ATP6V0A2: variants seen among roughly 807,000 people sequenced by gnomAD.
ATP6V0A2 encodes the protein V-type proton ATPase 116 kDa subunit a 2.
ATP6V0A2 carries 58 observed loss-of-function variants against 104.4 expected under a neutral mutation model. The ratio of observed to expected loss-of-function variants is 0.56; its 90% confidence interval spans 0.45 to 0.69. ATP6V0A2 has a LOEUF of 0.69. ATP6V0A2 is among the 30% of genes least tolerant of loss of function. The pLI is 0.00. For missense variants in ATP6V0A2, 938 were observed against 1,062.9 expected, an observed-to-expected ratio of 0.88 and a Z score of 1.63; for synonymous variants, 376 against 397.9, an observed-to-expected ratio of 0.95 and a Z score of 0.65.
rs751936760 is a variant in ATP6V0A2, at chr12:123,748,748, T to G, written c.1898T>G (p.Phe633Cys). The G allele has an allele frequency of 1.2e-6, 2 of 1,613,884 alleles. No individual in the cohort carries two copies. The highest frequency in any genetic ancestry group is 1.7e-6 in the Non-Finnish European group (2 of 1,180,032). ...ATTGAATTTATTAACATGTTTTTAT[T>G]CCCAGCCAGTAAAACAAGTGGCCTT... ...ILIEFINMFLFPASKTSGLYT... is the reference protein window; with the variant it reads ...ILIEFINMFLCPASKTSGLYT... Residue 633 changes from phenylalanine to cysteine, a missense_variant, in exon 15 of 20, where the codon TTC becomes TGC. Phe to Cys is a radical substitution (Grantham distance 205). Transcript: ENST00000330342.
chr12:123,735,245 A>G (rs1956541038), intron 7 of ATP6V0A2, among the ~76,000 whole-genome samples: 1 of 151,864 alleles, frequency 6.6e-6, no homozygotes, highest in Non-Finnish European at 1.5e-5. Flanking sequence ...GCCCAAGGAC[A>G]TTGTTGAATT....
chr12:123,743,410 T>C (rs1252795023), intron 9 of ATP6V0A2, among the ~76,000 whole-genome samples: 1 of 152,064 alleles, frequency 6.6e-6, no homozygotes, highest in Non-Finnish European at 1.5e-5. Flanking sequence ...TCCCAGCACA[T>C]TGGGAGGCTG....
chr12:123,720,394 A>G (rs1956387497), intron 2 of ATP6V0A2, among the ~76,000 whole-genome samples: 1 of 152,196 alleles, frequency 6.6e-6, no homozygotes, highest in Non-Finnish European at 1.5e-5. Flanking sequence ...CTGTAGCTTA[A>G]ACTGTTTCAA....
intron 7 of ATP6V0A2, 45 bp downstream of exon 7, chr12:123,734,053 G>A: frequency 6.8e-7 from 1 of 1,479,724 alleles, no homozygotes; most frequent in Non-Finnish European, 9.4e-7. Context: ...TTTATATTCA[G>A]TCACCTCTAG....
chr12:123,744,539 A>G lies in ATP6V0A2; in HGVS notation c.1327-58A>G. On this transcript the variant is annotated intron_variant, in intron 11 of 19. Coordinates refer to ENST00000330342, the MANE Select transcript of ATP6V0A2 (RefSeq NM_012463.4). The surrounding 1 kb of genome is among the most constrained non-coding windows in gnomAD (Gnocchi z 5.4). ...TGGTGAGGGTCGTGCCCACACCGAC[A>G]GCTGTCACATGGACACCCTCCAGTA... 6.2e-7 allele frequency: 1 copy of G among 1,606,758 alleles called. No homozygotes were observed. The highest frequency in any genetic ancestry group is 8.5e-7 in the Non-Finnish European group (1 of 1,175,924).
In ATP6V0A2 at chr12:123,760,517, C is replaced by T. The variant is rs144043973; in HGVS notation, c.*2485C>T. ...CAGTTTTTAAAACATACTTCATTCC[C>T]TTGATAGCAGAGATCCAGAGCACAG... is the stretch of plus-strand genomic sequence containing the variant. On this transcript the variant is annotated 3_prime_UTR_variant, in exon 20 of 20. Coordinates refer to ENST00000330342, the MANE Select transcript of ATP6V0A2 (RefSeq NM_012463.4). The T allele has an allele frequency of 2.3e-4, 35 of 152,278 alleles. No individual in the cohort carries two copies. In the East Asian group the frequency reaches 6.7e-3, roughly 29 times the overall value. The allele number at this position is 152,278 out of a possible 1,614,324, so 9.4% of individuals were successfully genotyped here.
chr12:123,744,494 G>A lies in ATP6V0A2; in HGVS notation c.1327-103G>A. Reference sequence around the variant, plus strand: ...CTGACAGGGATGTCTGCGGGGCGAGGCTGTTTTCTGAGAAGTGAGTGGTGA... The same window carrying A: ...CTGACAGGGATGTCTGCGGGGCGAGACTGTTTTCTGAGAAGTGAGTGGTGA... On this transcript the variant is annotated intron_variant, in intron 11 of 19. Coordinates refer to ENST00000330342, the MANE Select transcript of ATP6V0A2 (RefSeq NM_012463.4). This position sits in a 1 kb window ranked among gnomAD's most constrained non-coding sequence, Gnocchi z 5.4. The A allele has an allele frequency of 6.4e-7, 1 of 1,572,936 alleles. No homozygotes were observed. The highest frequency in any genetic ancestry group is 2.2e-5 in the East Asian group (1 of 44,670).
chr12:123,736,780 G>A lies in ATP6V0A2; in HGVS notation c.826-279G>A, dbSNP rs185667616. Among the ~76,000 whole-genome samples the A allele has an allele frequency of 2.6e-4, 39 of 152,188 alleles. No individual in the cohort carries two copies. In the East Asian group the frequency reaches 3.9e-3, roughly 15 times the overall value. On this transcript the variant is annotated intron_variant, in intron 8 of 19. Coordinates refer to ENST00000330342, the MANE Select transcript of ATP6V0A2 (RefSeq NM_012463.4). ...ATCACGCTGCCGCAGTGACAATGAC[G>A]TCTAACCATTTCCTGTGCCCTAGGG...
At position 123,744,432 on chromosome 12, in the gene ATP6V0A2, G is replaced by A. The variant is rs561786614; in HGVS notation, c.1326+95G>A. The A allele has an allele frequency of 6.3e-6, 10 of 1,578,664 alleles. No homozygotes were observed. In the African/African-American group the frequency reaches 1.3e-4, roughly 21 times the overall value. Reference sequence around the variant, plus strand: ...CTCTTAGATGTTTGCTGTAGGCTGCGGCTGTGCTGGGCAGGTGTGTGGCCT... The same window carrying A: ...CTCTTAGATGTTTGCTGTAGGCTGCAGCTGTGCTGGGCAGGTGTGTGGCCT... On this transcript the variant is annotated intron_variant, in intron 11 of 19. Coordinates refer to ENST00000330342, the MANE Select transcript of ATP6V0A2 (RefSeq NM_012463.4). This position sits in a 1 kb window ranked among gnomAD's most constrained non-coding sequence, Gnocchi z 5.4.
intron 15 of ATP6V0A2, chr12:123,750,242 G>C (rs1003427167): frequency 9.8e-5 from 15 of 152,346 alleles, no homozygotes; most frequent in Admixed American, 5.9e-4. Flanking sequence ...CCAGGAGGTA[G>C]GTGTGTCATC....
intron 19 of ATP6V0A2, 66 bp from the exon 20 acceptor site, chr12:123,757,861 T>A (rs1956779203): frequency 9.9e-7 from 1 of 1,007,304 alleles, no homozygotes; most frequent in East Asian, 2.5e-5. Context: ...TTTTAACTTA[T>A]AAATGTTGTT....
intron 1 of ATP6V0A2, among the ~76,000 whole-genome samples, chr12:123,714,179 G>C (rs540396349): frequency 6.6e-6 from 1 of 152,306 alleles, no homozygotes; most frequent in Non-Finnish European, 1.5e-5. Context: ...TTGAGCAAAC[G>C]TACTAATCAC....
chr12:123,735,461 G>T, intron 7 of ATP6V0A2, 70 bp from the exon 8 acceptor site: 1 of 1,420,398 alleles, frequency 7.0e-7, no homozygotes, highest in South Asian at 1.2e-5. Flanking sequence ...CAGAAGATGT[G>T]CCGGGGAGGT....
intron 13 of ATP6V0A2, among the ~76,000 whole-genome samples, chr12:123,747,124 G>T (rs145109098): frequency 2.0e-4 from 30 of 152,230 alleles, no homozygotes; most frequent in Admixed American, 1.5e-3. Flanking sequence ...TCTTGGGTTG[G>T]CCACTTGCAC....
chr12:123,717,434 TTTTC>T (rs766709749), intron 1 of ATP6V0A2, among the ~76,000 whole-genome samples: 2 of 142,272 alleles, frequency 1.4e-5, no homozygotes, highest in Non-Finnish European at 3.1e-5. Context: ...ATTTCTTTTC[TTTTC>T]TTTCTTTCTT....
At chr12:123,727,004 C>G (rs959398123) in intron 5 of ATP6V0A2, among the ~76,000 whole-genome samples, 6 of 152,198 alleles carry the variant, frequency 3.9e-5, no homozygotes, top group African/African-American at 1.4e-4. Context: ...CTCCCTCCAT[C>G]TAGAACCAAA....
intron 17 of ATP6V0A2, among the ~76,000 whole-genome samples, chr12:123,753,193 A>T (rs909768144): frequency 1.5e-5 from 2 of 137,186 alleles, no homozygotes; most frequent in African/African-American, 5.5e-5. Context: ...AGTCCCCTGG[A>T]CCGGTGTCTG....
rs541337651 is a variant in ATP6V0A2, at chr12:123,757,604, G to A, written c.2466-323G>A. ...AAATCCTTCTTATGTATTTCTTAAT[G>A]TTTTATGGTGTAGGTCAGATTACTG... On this transcript the variant is annotated intron_variant, in intron 19 of 19. Transcript: ENST00000330342. Among the ~76,000 whole-genome samples the A allele has an allele frequency of 6.6e-5, 10 of 152,274 alleles. No homozygotes were observed. In the South Asian group the frequency reaches 1.9e-3, roughly 28 times the overall value.
intron 16 of ATP6V0A2, 50 bp from the exon 17 acceptor site, chr12:123,752,233 A>G: frequency 6.2e-7 from 1 of 1,612,622 alleles, no homozygotes; most frequent in Non-Finnish European, 8.5e-7. Context: ...TGGTTTTGTC[A>G]CAACCTTGTG....
Sources: gnomAD v4.1 joint callset for allele counts (sites outside exome capture counted in the v4.1 genomes callset) on GRCh38, gnomAD v4.1.1 for gene constraint, Gnocchi (gnomAD v3.1) non-coding constraint, MANE v1.5 for transcripts, NCBI Gene and HGNC (gene_info 2026-07-23, HGNC 2026-07-21) for gene names.